CCDC171: variants seen among roughly 807,000 people sequenced by gnomAD.
CCDC171 encodes the protein coiled-coil domain-containing protein 171.
CCDC171 carries 177 observed loss-of-function variants against 168.2 expected under a neutral mutation model. The observed-to-expected ratio is 1.05, with a 90% confidence interval of 0.93 to 1.19. The LOEUF (loss-of-function observed/expected upper bound fraction) is 1.19, where lower values mean the gene tolerates loss of function less well. Among genes scored for constraint, CCDC171 ranks in the 50% most tolerant of loss-of-function variants. The pLI is 0.00. For synonymous variants in CCDC171, 687 were observed against 540.8 expected (o/e 1.27, Z -3.75); for missense variants, 1,991 against 1,539.0 (o/e 1.29, Z -4.91).
At chr9:16,036,818 CAT>C (rs202058951) in intron 8 of CCDC171, among the ~76,000 whole-genome samples, 1,869 of 149,916 alleles carry the variant, frequency 0.012, 39 homozygotes, top group African/African-American at 0.043. Context: ...TTGACATAAA[CAT>C]GTGATTCTAT....
chr9:15,997,831 C>A (rs529066040), intron 3 of CCDC171, among the ~76,000 whole-genome samples: 1 of 152,104 alleles, frequency 6.6e-6, no homozygotes, highest in East Asian at 1.9e-4. Context: ...AGGGTGTGCC[C>A]AAGTGGATCA....
chr9:15,688,071 A>T (rs2050529219), intron 10 of CCDC171, among the ~76,000 whole-genome samples: 1 of 148,502 alleles, frequency 6.7e-6, no homozygotes, highest in South Asian at 2.1e-4. Flanking sequence ...GTGAGCTGAG[A>T]TGGCGCCATT....
chr9:15,631,015 C>T (rs1399415755), intron 7 of CCDC171, among the ~76,000 whole-genome samples: 2 of 151,872 alleles, frequency 1.3e-5, no homozygotes, highest in Admixed American at 1.3e-4. Flanking sequence ...GGGACACATT[C>T]AAAGCAGTGT....
intron 21 of CCDC171, among the ~76,000 whole-genome samples, chr9:15,786,406 CTGATA>C (rs1419767861): frequency 6.6e-6 from 1 of 151,932 alleles, no homozygotes; most frequent in Non-Finnish European, 1.5e-5. Flanking sequence ...ATCATATCAC[CTGATA>C]TATCTACCAT....
At chr9:15,993,778 A>T (rs1046298907) in intron 3 of CCDC171, among the ~76,000 whole-genome samples, 2 of 152,250 alleles carry the variant, frequency 1.3e-5, no homozygotes, top group Non-Finnish European at 2.9e-5. Flanking sequence ...AAAGTGGCAA[A>T]GGATATGAAC....
chr9:15,810,801 A>G (rs888370137), intron 21 of CCDC171, among the ~76,000 whole-genome samples: 1 of 152,100 alleles, frequency 6.6e-6, no homozygotes, highest in Non-Finnish European at 1.5e-5. Flanking sequence ...CACCTCCCAC[A>G]AGGAGAGGGA....
At chr9:15,673,499 C>T (rs986861278) in intron 9 of CCDC171, among the ~76,000 whole-genome samples, 1 of 152,054 alleles carries the variant, frequency 6.6e-6, no homozygotes, top group African/African-American at 2.4e-5. Context: ...ATATATAGCT[C>T]TTATTATTTT....
upstream of CCDC171, among the ~76,000 whole-genome samples, chr9:16,039,553 G>T (rs1833537718): frequency 6.6e-6 from 1 of 152,180 alleles, no homozygotes; most frequent in Non-Finnish European, 1.5e-5. Context: ...TTTCCCTGCA[G>T]GTCGGTAGCC....
chr9:15,791,598 G>A (rs2058266829), intron 21 of CCDC171, among the ~76,000 whole-genome samples: 1 of 151,994 alleles, frequency 6.6e-6, no homozygotes, highest in African/African-American at 2.4e-5. Context: ...TCTTTCTCTT[G>A]CCTGATTGCC....
intron 6 of CCDC171, among the ~76,000 whole-genome samples, chr9:15,615,348 C>A (rs901477851): frequency 6.6e-6 from 1 of 152,066 alleles, no homozygotes; most frequent in Non-Finnish European, 1.5e-5. Flanking sequence ...AGGAAAACAT[C>A]TTTTTCCGTG....
At chr9:16,013,510 G>C (rs899661681) in intron 3 of CCDC171, among the ~76,000 whole-genome samples, 2 of 152,190 alleles carry the variant, frequency 1.3e-5, no homozygotes, top group African/African-American at 4.8e-5. Context: ...TGGGAGGCAG[G>C]AGCATGTAGC....
At chr9:16,041,915 A>G (rs1833578843), upstream of CCDC171, among the ~76,000 whole-genome samples, 1 of 152,210 alleles carries the variant, frequency 6.6e-6, no homozygotes. Context: ...GCAAGTTTAG[A>G]TGAAAATGTG....
intron 1 of CCDC171, among the ~76,000 whole-genome samples, chr9:15,558,841 A>G (rs2039029586): frequency 6.6e-6 from 1 of 152,008 alleles, no homozygotes; most frequent in African/African-American, 2.4e-5. Flanking sequence ...TCAATTTTAG[A>G]TCTTTCCTGC....
intron 23 of CCDC171, among the ~76,000 whole-genome samples, chr9:15,868,040 A>G (rs930972621): frequency 6.6e-6 from 1 of 152,044 alleles, no homozygotes; most frequent in Non-Finnish European, 1.5e-5. Context: ...ATTGGGATGT[A>G]GCCAGATTGA....
intron 22 of CCDC171, among the ~76,000 whole-genome samples, 168 bp from the exon 23 acceptor site, chr9:15,848,722 GAAC>G (rs2061003781): frequency 6.6e-6 from 1 of 150,680 alleles, no homozygotes; most frequent in African/African-American, 2.4e-5. Context: ...TTTAAAAGGA[GAAC>G]AATGAATTAA....
At chr9:15,646,592 G>T (rs776231692) in intron 7 of CCDC171, among the ~76,000 whole-genome samples, 4 of 152,136 alleles carry the variant, frequency 2.6e-5, no homozygotes, top group Non-Finnish European at 5.9e-5. Flanking sequence ...AAAAGTGGGG[G>T]TTGTAATCTT....
At chr9:15,920,861 A>G (rs1251064587) in intron 25 of CCDC171, among the ~76,000 whole-genome samples, 2 of 151,618 alleles carry the variant, frequency 1.3e-5, no homozygotes, top group African/African-American at 4.8e-5. Flanking sequence ...CTAGCTAAAG[A>G]TGCATGTTGT....
At position 15,724,951 on chromosome 9, in the gene CCDC171, C is replaced by A. The variant is rs569441532; in HGVS notation, c.1667C>A (p.Ser556Tyr). 3.7e-6 allele frequency: 6 copies of A among 1,613,736 alleles called. No individual in the cohort carries two copies. In the Admixed American group the frequency reaches 1.0e-4, roughly 27 times the overall value. The change falls in exon 14 of 26, where the codon TCC (serine) becomes TAC (tyrosine). Residue 556 changes from serine (S) to tyrosine (Y), a missense_variant. Coordinates refer to ENST00000380701, the MANE Select transcript of CCDC171 (RefSeq NM_173550.4). Reference sequence around the variant, plus strand: ...TCTGAAAGTGAACTGCAGAAGCTTTCCCAGGCTTTCCATAAGGATGCAGAG... The same window carrying A: ...TCTGAAAGTGAACTGCAGAAGCTTTACCAGGCTTTCCATAAGGATGCAGAG... Reference protein sequence around the residue: ...AQSESELQKLSQAFHKDAEEK... With the variant: ...AQSESELQKLYQAFHKDAEEK...
intron 7 of CCDC171, among the ~76,000 whole-genome samples, chr9:15,650,790 A>C (rs1382088349): frequency 6.6e-6 from 1 of 152,130 alleles, no homozygotes; most frequent in Non-Finnish European, 1.5e-5. Flanking sequence ...TTATGTGCAT[A>C]GAATGAAATT....
Sources: gnomAD v4.1 joint callset for allele counts (sites outside exome capture counted in the v4.1 genomes callset) on GRCh38, gnomAD v4.1.1 for gene constraint, MANE v1.5 for transcripts, NCBI Gene and HGNC (gene_info 2026-07-23, HGNC 2026-07-21) for gene names.